ELAPOR1: variants seen among roughly 807,000 people sequenced by gnomAD.
The protein encoded by ELAPOR1 is endosome/lysosome-associated apoptosis and autophagy regulator 1.
In ELAPOR1, 77 loss-of-function variants were observed where a neutral mutation model predicts 119.7. The observed-to-expected ratio is 0.64, with a 90% CI of 0.54 to 0.78. The LOEUF is 0.78. Ranked by LOEUF, ELAPOR1 falls within the 30% of genes least tolerant of loss-of-function variation. The probability of loss-of-function intolerance (pLI) is 0.00; values close to 1 mark genes in which losing one functional copy is unlikely to be tolerated. For synonymous variants in ELAPOR1, 481 were observed against 487.2 expected, an observed-to-expected ratio of 0.99 and a Z score of 0.17; for missense variants, 1,115 against 1,270.4, an observed-to-expected ratio of 0.88 and a Z score of 1.86.
intron 2 of ELAPOR1, 76 bp from the exon 3 acceptor site, chr1:109,164,423 C>T (rs1469752414): frequency 2.2e-6 from 3 of 1,336,198 alleles, no homozygotes; most frequent in East Asian, 4.7e-5. Flanking sequence ...CTCCTCCCTT[C>T]AGCTGCTCGC....
chr1:109,145,475 G>A (rs2101007847), intron 1 of ELAPOR1, among the ~76,000 whole-genome samples: 1 of 152,136 alleles, frequency 6.6e-6, no homozygotes, highest in Non-Finnish European at 1.5e-5. Context: ...GGTCAACATG[G>A]CGAAACCCTG....
chr1:109,127,335 C>T (rs941200074), intron 1 of ELAPOR1, among the ~76,000 whole-genome samples: 7 of 148,204 alleles, frequency 4.7e-5, no homozygotes, highest in Admixed American at 3.3e-4. Flanking sequence ...CTGCCTCAGC[C>T]TCCCAAGTAG....
chr1:109,146,910 A>T (rs1373382839), intron 1 of ELAPOR1, among the ~76,000 whole-genome samples: 2 of 144,480 alleles, frequency 1.4e-5, no homozygotes, highest in East Asian at 4.0e-4. Context: ...TGGCTATTTA[A>T]TTTTTTTTTT....
At chr1:109,132,604 A>G (rs1187668645) in intron 1 of ELAPOR1, among the ~76,000 whole-genome samples, 3 of 152,234 alleles carry the variant, frequency 2.0e-5, no homozygotes, top group Non-Finnish European at 4.4e-5. Context: ...CCAAAAGTTC[A>G]GGGAACTCTT....
intron 5 of ELAPOR1, 113 bp downstream of exon 5, chr1:109,172,681 G>C (rs1248733728): frequency 2.7e-6 from 2 of 738,108 alleles, no homozygotes; most frequent in Non-Finnish European, 4.7e-6. Flanking sequence ...CTGGAGGGCA[G>C]GAATGTGATA....
At chr1:109,122,465 C>T (rs1648497602) in intron 1 of ELAPOR1, among the ~76,000 whole-genome samples, 1 of 151,714 alleles carries the variant, frequency 6.6e-6, no homozygotes. Context: ...TCAGGACCAG[C>T]CTGGGCAACA....
chr1:109,187,437 C>T, intron 8 of ELAPOR1: 1 of 993,686 alleles, frequency 1.0e-6, no homozygotes, highest in Non-Finnish European at 1.2e-6. Flanking sequence ...AAAATATGGA[C>T]AGAGGCCTTA....
intron 1 of ELAPOR1, among the ~76,000 whole-genome samples, chr1:109,157,493 T>C (rs1211115767): frequency 6.6e-6 from 1 of 152,174 alleles, no homozygotes; most frequent in Non-Finnish European, 1.5e-5. Flanking sequence ...GAATAGGGCA[T>C]ACCACCTAGC....
intron 17 of ELAPOR1, 32 bp from the exon 18 acceptor site, chr1:109,198,541 C>A: frequency 5.1e-6 from 8 of 1,566,442 alleles, no homozygotes; most frequent in Non-Finnish European, 7.0e-6. Context: ...CTGAGTGACT[C>A]ATTCCCTCAT....
In ELAPOR1 at chr1:109,167,094, G is replaced by A. The variant is rs1029177235; in HGVS notation, c.467+2403G>A. Among the ~76,000 whole-genome samples, 3 of 152,172 alleles carry A rather than the reference G, an allele frequency of 2.0e-5. 1 individual carries two copies. The highest frequency in any genetic ancestry group is 7.2e-5 in the African/African-American group (3 of 41,430). On this transcript the variant is annotated intron_variant, in intron 3 of 21. Coordinates refer to ENST00000369939, the MANE Select transcript of ELAPOR1 (RefSeq NM_020775.5). ...AGAGAGCTTTAAAGCTGGAAGGAGC[G>A]GGAATGTGTGGGTTAAGACAACCAA...
chr1:109,161,797 T>C, intron 1 of ELAPOR1, 97 bp from the exon 2 acceptor site: 1 of 1,425,612 alleles, frequency 7.0e-7, no homozygotes. Context: ...TCTGAGAGGA[T>C]GAGCATCAGT....
At chr1:109,129,439 G>A (rs1451700467) in intron 1 of ELAPOR1, among the ~76,000 whole-genome samples, 1 of 152,242 alleles carries the variant, frequency 6.6e-6, no homozygotes, top group Admixed American at 6.5e-5. Flanking sequence ...TTGAATCCAG[G>A]AAGTGGAGGT....
chr1:109,191,646 G>A, intron 12 of ELAPOR1, 80 bp from the exon 13 acceptor site: 3 of 1,571,894 alleles, frequency 1.9e-6, no homozygotes, highest in South Asian at 1.1e-5. Context: ...AACCGTGATG[G>A]CACCTGGGAT....
At position 109,191,398 on chromosome 1, in the gene ELAPOR1, A is replaced by C; in HGVS notation, c.1472A>C (p.Asn491Thr). The C allele has an allele frequency of 6.2e-7, 1 of 1,614,182 alleles. No individual in the cohort carries two copies. The highest frequency in any genetic ancestry group is 8.5e-7 in the Non-Finnish European group (1 of 1,180,014). ...PPQSVMADTENKEVARITFVF... is the reference protein window; with the variant it reads ...PPQSVMADTETKEVARITFVF... Reference sequence around the variant, plus strand: ...CAGTCGGTGATGGCAGACACAGAGAATAAAGAGGTGGCCAGAATCACATTT... The same window carrying C: ...CAGTCGGTGATGGCAGACACAGAGACTAAAGAGGTGGCCAGAATCACATTT... Residue 491 changes from asparagine to threonine, a missense_variant, in exon 12 of 22, where the codon AAT (asparagine) becomes ACT (threonine). Coordinates refer to ENST00000369939, the MANE Select transcript of ELAPOR1 (RefSeq NM_020775.5).
At chr1:109,144,512 G>A (rs1222874017) in intron 1 of ELAPOR1, among the ~76,000 whole-genome samples, 2 of 152,092 alleles carry the variant, frequency 1.3e-5, no homozygotes, top group African/African-American at 4.8e-5. Flanking sequence ...AGGCAGATGT[G>A]GGAAGATTAC....
At chr1:109,196,375 T>C (rs988319120) in intron 15 of ELAPOR1, among the ~76,000 whole-genome samples, 5 of 152,198 alleles carry the variant, frequency 3.3e-5, no homozygotes, top group Non-Finnish European at 7.3e-5. Context: ...GAAGTTAAAA[T>C]GAAGCCTCAG....
intron 1 of ELAPOR1, among the ~76,000 whole-genome samples, chr1:109,132,689 C>T (rs1649222900): frequency 6.6e-6 from 1 of 152,176 alleles, no homozygotes; most frequent in Non-Finnish European, 1.5e-5. Flanking sequence ...GGGATCAGCA[C>T]AGGCAAAGGC....
chr1:109,117,942 C>T (rs1415985002), intron 1 of ELAPOR1, among the ~76,000 whole-genome samples: 1 of 151,970 alleles, frequency 6.6e-6, no homozygotes, highest in African/African-American at 2.4e-5. Context: ...CCAGCCTGGC[C>T]AACATTGAAA....
chr1:109,158,516 A>G (rs1651034269), intron 1 of ELAPOR1, among the ~76,000 whole-genome samples: 1 of 151,982 alleles, frequency 6.6e-6, no homozygotes, highest in Non-Finnish European at 1.5e-5. Context: ...TGGCTGGGTG[A>G]CGCTACGGAA....
Sources: gnomAD v4.1 joint callset for allele counts (sites outside exome capture counted in the v4.1 genomes callset) on GRCh38, gnomAD v4.1.1 for gene constraint, MANE v1.5 for transcripts, NCBI Gene and HGNC (gene_info 2026-07-23, HGNC 2026-07-21) for gene names.